Variants in PDE1A observed in about 807,000 individuals in gnomAD.
PDE1A encodes dual specificity calcium/calmodulin-dependent 3',5'-cyclic nucleotide phosphodiesterase 1A.
PDE1A carries 35 observed loss-of-function variants against 61.7 expected under a neutral mutation model. The observed-to-expected ratio is 0.57, with a 90% CI of 0.43 to 0.75. PDE1A has a LOEUF of 0.75. PDE1A is among the 30% of genes least tolerant of loss of function. The probability of loss-of-function intolerance (pLI) is 0.00; values close to 1 mark genes in which losing one functional copy is unlikely to be tolerated. For missense variants in PDE1A, 597 were observed against 630.6 expected (o/e 0.95, Z 0.57); for synonymous variants, 232 against 213.2 (o/e 1.09, Z -0.77).
chr2:182,141,398 TC>T (rs1250052352), exon 15 of PDE1A: 2 of 152,162 alleles, frequency 1.3e-5, no homozygotes, highest in Non-Finnish European at 2.9e-5. Flanking sequence ...ATAAATGTTT[TC>T]CCCAGCACAT....
intron 2 of PDE1A, among the ~76,000 whole-genome samples, chr2:182,507,016 G>T (rs1168783258): frequency 6.6e-6 from 1 of 152,162 alleles, no homozygotes; most frequent in Non-Finnish European, 1.5e-5. Context: ...ATTTTATGTG[G>T]ACACATGCCA....
intron 2 of PDE1A, among the ~76,000 whole-genome samples, chr2:182,471,453 T>C (rs16823275): frequency 0.15 from 22,831 of 151,672 alleles, 2,147 homozygotes; most frequent in Middle Eastern, 0.29. Context: ...GAATTATGAC[T>C]TCTCAAATTT....
intron 13 of PDE1A, among the ~76,000 whole-genome samples, chr2:182,185,125 C>A (rs545536811): frequency 6.6e-6 from 1 of 151,850 alleles, no homozygotes; most frequent in African/African-American, 2.4e-5. Context: ...GCAAAAAACA[C>A]AAGGAAAAAA....
At chr2:182,367,790 G>A (rs964949980) in intron 1 of PDE1A, among the ~76,000 whole-genome samples, 62 of 151,958 alleles carry the variant, frequency 4.1e-4, no homozygotes, top group Middle Eastern at 6.8e-3. Context: ...AAAGTCACAC[G>A]TAAACATTAA....
chr2:182,606,141 C>G, the PDE1A span, among the ~76,000 whole-genome samples: 1 of 152,094 alleles, frequency 6.6e-6, no homozygotes, highest in Non-Finnish European at 1.5e-5. Flanking sequence ...AAATTACTCC[C>G]CAAGGTATGT....
intron 1 of PDE1A, among the ~76,000 whole-genome samples, chr2:182,387,414 TAAAAA>T (rs71405478): frequency 1.2e-5 from 1 of 81,258 alleles, no homozygotes; most frequent in African/African-American, 4.8e-5. Context: ...GAATGATCAA[TAAAAA>T]AAAAAAAAGA....
At chr2:182,487,531 T>C (rs568821917) in intron 2 of PDE1A, among the ~76,000 whole-genome samples, 2 of 152,318 alleles carry the variant, frequency 1.3e-5, no homozygotes, top group African/African-American at 4.8e-5. Flanking sequence ...AATCAAAATA[T>C]GACATCTATA....
chr2:182,279,689 T>C (rs1170186866), intron 1 of PDE1A, among the ~76,000 whole-genome samples: 1 of 151,912 alleles, frequency 6.6e-6, no homozygotes. Context: ...AAATGGCATA[T>C]TTAATTTACA....
intron 2 of PDE1A, among the ~76,000 whole-genome samples, chr2:182,485,910 T>A (rs1687992915): frequency 6.6e-6 from 1 of 152,056 alleles, no homozygotes; most frequent in Non-Finnish European, 1.5e-5. Flanking sequence ...GGCAAGGGCA[T>A]CTGCCTGCTT....
At chr2:182,408,044 A>T (rs190431069) in intron 1 of PDE1A, among the ~76,000 whole-genome samples, 32 of 152,212 alleles carry the variant, frequency 2.1e-4, no homozygotes, top group African/African-American at 7.2e-4. Flanking sequence ...GTTGTTTAGA[A>T]TTGCTGGCAT....
At chr2:182,417,267 T>G (rs1000318090) in intron 1 of PDE1A, among the ~76,000 whole-genome samples, 3 of 152,230 alleles carry the variant, frequency 2.0e-5, no homozygotes, top group African/African-American at 4.8e-5. Context: ...AGAATCCTAT[T>G]CACCCTTCAG....
chr2:182,379,816 C>G (rs368757564), intron 1 of PDE1A, among the ~76,000 whole-genome samples: 10 of 152,116 alleles, frequency 6.6e-5, no homozygotes, highest in African/African-American at 2.4e-4. Flanking sequence ...GGATGAAGAT[C>G]TTTTCTATTG....
chr2:182,287,661 T>C (rs1694257601), intron 1 of PDE1A, among the ~76,000 whole-genome samples: 1 of 152,170 alleles, frequency 6.6e-6, no homozygotes, highest in Non-Finnish European at 1.5e-5. Context: ...TGTTTCTTAC[T>C]TAGCATTACA....
chr2:182,582,723 G>A, the PDE1A span, among the ~76,000 whole-genome samples: 2 of 152,206 alleles, frequency 1.3e-5, no homozygotes, highest in Admixed American at 6.5e-5. Context: ...AGCTTGAGTT[G>A]AGATCAAAGG....
At chr2:182,346,845 C>T (rs1698549320) in intron 1 of PDE1A, among the ~76,000 whole-genome samples, 1 of 152,046 alleles carries the variant, frequency 6.6e-6, no homozygotes, top group Non-Finnish European at 1.5e-5. Context: ...AATAACAGAG[C>T]CAGGATTTGA....
the PDE1A span, among the ~76,000 whole-genome samples, chr2:182,613,706 C>T: frequency 2.4e-4 from 36 of 152,262 alleles, no homozygotes; most frequent in Admixed American, 8.5e-4. Context: ...TGCATAAATA[C>T]ACTATGGTTT....
chr2:182,416,007 G>A (rs1702894629), intron 1 of PDE1A, among the ~76,000 whole-genome samples: 1 of 152,114 alleles, frequency 6.6e-6, no homozygotes, highest in African/African-American at 2.4e-5. Flanking sequence ...CACTTAATCT[G>A]CCTGTTCTTA....
intron 1 of PDE1A, among the ~76,000 whole-genome samples, chr2:182,359,952 C>G (rs1699405444): frequency 6.6e-6 from 1 of 152,072 alleles, no homozygotes. Flanking sequence ...CCTGCAATTT[C>G]TAAATTCTAT....
chr2:182,204,002 T>TA (rs1686887603), intron 8 of PDE1A, among the ~76,000 whole-genome samples: 2 of 152,208 alleles, frequency 1.3e-5, no homozygotes, highest in South Asian at 4.1e-4. Flanking sequence ...AACAGAAACT[T>TA]AGACAATTAC....
Sources: allele counts gnomAD v4.1 joint callset (sites outside exome capture counted in the v4.1 genomes callset), GRCh38; gene constraint gnomAD v4.1.1; transcripts MANE v1.5; gene names NCBI Gene and HGNC (gene_info 2026-07-23, HGNC 2026-07-21).